Variants in TENM2 observed in about 807,000 individuals in gnomAD.
TENM2 encodes teneurin transmembrane protein 2, also known as teneurin-2.
TENM2 carries 52 observed loss-of-function variants against 245.2 expected under a neutral mutation model. The observed-to-expected ratio is 0.21, with a 90% CI of 0.17 to 0.27. The LOEUF is 0.27. Among genes scored for constraint, TENM2 ranks in the 10% least tolerant of loss-of-function variants. The probability of loss-of-function intolerance (pLI) is 1.00; values close to 1 mark genes in which losing one functional copy is unlikely to be tolerated. For synonymous variants in TENM2, 1,363 were observed against 1,438.9 expected, an observed-to-expected ratio of 0.95 and a Z score of 1.19; for missense variants, 3,046 against 3,666.8, an observed-to-expected ratio of 0.83 and a Z score of 4.37.
At chr5:167,298,057 T>A (rs1022119677) in intron 1 of TENM2, among the ~76,000 whole-genome samples, 1 of 152,094 alleles carries the variant, frequency 6.6e-6, no homozygotes, top group Non-Finnish European at 1.5e-5. Context: ...TGTCTTCTTA[T>A]ATTAATAAGA....
chr5:167,725,367 A>G (rs1412039079), intron 2 of TENM2, among the ~76,000 whole-genome samples: 1 of 152,186 alleles, frequency 6.6e-6, no homozygotes, highest in African/African-American at 2.4e-5. Flanking sequence ...CTATGTGAAT[A>G]CCAAGGGAAT....
At chr5:167,613,924 T>C (rs921905116) in intron 2 of TENM2, among the ~76,000 whole-genome samples, 1 of 152,164 alleles carries the variant, frequency 6.6e-6, no homozygotes, top group Non-Finnish European at 1.5e-5. Context: ...AAATTATTCA[T>C]GTTTATTGCT....
intron 3 of TENM2, among the ~76,000 whole-genome samples, chr5:167,890,189 T>C (rs1360774396): frequency 6.6e-6 from 1 of 152,130 alleles, no homozygotes; most frequent in African/African-American, 2.4e-5. Flanking sequence ...CTTTTCCAAC[T>C]TTCAAATATC....
Position 168,195,360 on chromosome 5 carries a change from G to A in TENM2, c.2900+65G>A. The A allele has an allele frequency of 1.9e-6, 3 of 1,539,172 alleles. No homozygotes were observed. In the South Asian group the frequency reaches 3.6e-5, roughly 18 times the overall value. The stretch of plus-strand genomic sequence containing the variant: ...ACGTGTGTGCAAAGGGACAGACGGT[G>A]CTGTTGGCTTGGAACCACAGGATTC... On this transcript the variant is annotated intron_variant, in intron 15 of 28. Transcript: ENST00000518659.
At chr5:167,862,362 G>C (rs889877243) in intron 2 of TENM2, among the ~76,000 whole-genome samples, 4 of 152,104 alleles carry the variant, frequency 2.6e-5, no homozygotes, top group Admixed American at 1.3e-4. Context: ...ATACCACTAG[G>C]CTCCGTGAGT....
the TENM2 span, among the ~76,000 whole-genome samples, chr5:167,221,253 C>T: frequency 3.3e-5 from 5 of 152,256 alleles, no homozygotes; most frequent in East Asian, 9.7e-4. Context: ...AAGTGACTGC[C>T]TGTAAGCCCC....
At chr5:167,904,947 G>A (rs1775972741) in intron 3 of TENM2, among the ~76,000 whole-genome samples, 1 of 152,292 alleles carries the variant, frequency 6.6e-6, no homozygotes, top group South Asian at 2.1e-4. Context: ...TAGCCACAGA[G>A]TACGTATGAA....
intron 5 of TENM2, among the ~76,000 whole-genome samples, chr5:168,030,247 GAC>G (rs544513983): frequency 9.3e-4 from 122 of 131,542 alleles, no homozygotes; most frequent in African/African-American, 3.5e-3. Flanking sequence ...AGCTGCTTCT[GAC>G]ACACTACCTG....
chr5:168,237,224 A>C (rs943082159), intron 25 of TENM2, among the ~76,000 whole-genome samples: 1 of 149,458 alleles, frequency 6.7e-6, no homozygotes, highest in African/African-American at 2.5e-5. Context: ...CATCATGTTG[A>C]CCAGGCTGGT....
intron 2 of TENM2, among the ~76,000 whole-genome samples, chr5:167,651,273 G>T (rs1754445606): frequency 6.6e-6 from 1 of 152,032 alleles, no homozygotes; most frequent in South Asian, 2.1e-4. Flanking sequence ...ATGATTAAAG[G>T]TAAGTGATAC....
chr5:167,415,781 T>C (rs1763135518), intron 2 of TENM2, among the ~76,000 whole-genome samples: 1 of 152,162 alleles, frequency 6.6e-6, no homozygotes, highest in Non-Finnish European at 1.5e-5. Context: ...CTGGAGGTTA[T>C]GTTGAATGGT....
intron 2 of TENM2, among the ~76,000 whole-genome samples, chr5:167,529,414 C>A (rs7737557): frequency 6.6e-6 from 1 of 152,002 alleles, no homozygotes; most frequent in African/African-American, 2.4e-5. Context: ...TATTATGACT[C>A]TTCAGCAATG....
chr5:167,562,321 C>T (rs1174883579), intron 2 of TENM2, among the ~76,000 whole-genome samples: 1 of 152,126 alleles, frequency 6.6e-6, no homozygotes, highest in East Asian at 1.9e-4. Context: ...TTTTTTCCCC[C>T]TAACAATAGA....
intron 27 of TENM2, among the ~76,000 whole-genome samples, chr5:168,249,554 T>C (rs1766911311): frequency 6.6e-6 from 1 of 152,002 alleles, no homozygotes; most frequent in Non-Finnish European, 1.5e-5. Context: ...GAAGAATTCA[T>C]GGGACCTTGG....
chr5:167,282,085 G>A (rs528361128), upstream of TENM2, among the ~76,000 whole-genome samples: 10 of 151,056 alleles, frequency 6.6e-5, no homozygotes, highest in South Asian at 1.5e-3. Context: ...GCATACACAC[G>A]CATACATACA....
At chr5:168,166,425 T>G (rs541234714) in intron 13 of TENM2, among the ~76,000 whole-genome samples, 4 of 152,190 alleles carry the variant, frequency 2.6e-5, no homozygotes, top group African/African-American at 9.7e-5. Flanking sequence ...AAATAACAGA[T>G]AGAGATATTT....
intron 2 of TENM2, among the ~76,000 whole-genome samples, chr5:167,477,713 T>C (rs941419007): frequency 1.3e-5 from 2 of 152,180 alleles, no homozygotes; most frequent in African/African-American, 2.4e-5. Context: ...ATTGGTAAGA[T>C]ATATTTTTAA....
At chr5:167,018,474 A>G in the TENM2 span, among the ~76,000 whole-genome samples, 2 of 152,142 alleles carry the variant, frequency 1.3e-5, no homozygotes, top group African/African-American at 4.8e-5. Context: ...CTGACTGAAG[A>G]AAGTAATGAA....
the TENM2 span, among the ~76,000 whole-genome samples, chr5:167,199,443 G>A: frequency 6.6e-6 from 1 of 152,088 alleles, no homozygotes; most frequent in Non-Finnish European, 1.5e-5. Flanking sequence ...GATCCACTGA[G>A]TCTTCCTGGC....
Sources: allele counts gnomAD v4.1 joint callset (sites outside exome capture counted in the v4.1 genomes callset), GRCh38; gene constraint gnomAD v4.1.1; transcripts MANE v1.5; gene names NCBI Gene and HGNC (gene_info 2026-07-23, HGNC 2026-07-21).